CHIA: variants seen among roughly 807,000 people sequenced by gnomAD.
The protein encoded by CHIA is acidic mammalian chitinase.
In CHIA, 47 loss-of-function variants were observed where a neutral mutation model predicts 53.5. That is an observed-to-expected ratio of 0.88 (90% confidence interval 0.70 to 1.12). The LOEUF is 1.12. Ranked by LOEUF, CHIA falls within the 50% of genes most tolerant of loss-of-function variation. The probability of loss-of-function intolerance (pLI) is 0.00; values close to 1 mark genes in which losing one functional copy is unlikely to be tolerated. For synonymous variants in CHIA, 268 were observed against 222.2 expected, an observed-to-expected ratio of 1.21 and a Z score of -1.83; for missense variants, 652 against 592.2, an observed-to-expected ratio of 1.10 and a Z score of -1.05.
rs1648970853 is a variant in CHIA at position 111,314,392 on chromosome 1, A to C, written c.258-148A>C. The stretch of plus-strand genomic sequence containing the variant: ...GACAGGAACAACACAAAGAATTTTT[A>C]TAAAGGAAGTTTTCAGTAGGGGAGG... On this transcript the variant is annotated intron_variant, in intron 4 of 11. Coordinates refer to ENST00000369740, the MANE Select transcript of CHIA (RefSeq NM_201653.4). 3 of 570,756 alleles carry C rather than the reference A, an allele frequency of 5.3e-6. No homozygotes were observed. In the East Asian group the frequency reaches 9.0e-5, roughly 17 times the overall value. 35.4% of individuals were successfully genotyped at this position (570,756 alleles called of 1,614,324 possible).
intron 1 of CHIA, among the ~76,000 whole-genome samples, chr1:111,303,320 T>A (rs1041064211): frequency 2.6e-5 from 4 of 152,122 alleles, no homozygotes; most frequent in Non-Finnish European, 4.4e-5. Context: ...GCCTTTTAGC[T>A]TTTTTGTCAC....
chr1:111,310,800 A>G (rs901231161), intron 2 of CHIA, among the ~76,000 whole-genome samples: 2 of 151,060 alleles, frequency 1.3e-5, no homozygotes, highest in Admixed American at 6.6e-5. Context: ...ATTTTTCTTT[A>G]CTCTTCTTCC....
chr1:111,320,307 G>A lies in CHIA; in HGVS notation c.1272G>A (p.Ser424=), dbSNP rs35242709. ...GGAGTAGCAGCTCTGGAGGCAGCTC[G>A]GGAGGCAGTGGATTCTGTGCTGTCA... is the stretch of plus-strand genomic sequence containing the variant. ...GSGSSSSGGS[S]GGSGFCAVRA... Residue 424 remains serine (S), a synonymous_variant, in exon 12 of 12, where the codon TCG becomes TCA. Coordinates refer to ENST00000369740, the MANE Select transcript of CHIA (RefSeq NM_201653.4). 67 of 1,614,054 alleles carry A rather than the reference G, an allele frequency of 4.2e-5. No homozygotes were observed. In the Middle Eastern group the frequency reaches 5.0e-4, roughly 12 times the overall value.
chr1:111,318,220 A>G, intron 8 of CHIA, 111 bp downstream of exon 8: 1 of 1,180,500 alleles, frequency 8.5e-7, no homozygotes. Flanking sequence ...ATGGGAAATT[A>G]GGCTGCCATA....
intron 1 of CHIA, among the ~76,000 whole-genome samples, chr1:111,294,981 T>C (rs1431334829): frequency 1.3e-5 from 2 of 152,240 alleles, no homozygotes; most frequent in African/African-American, 4.8e-5. Context: ...TAAGGGATTT[T>C]GGTCTGTAGT....
chr1:111,292,366 G>A (rs193171616), intron 1 of CHIA, among the ~76,000 whole-genome samples: 1 of 152,246 alleles, frequency 6.6e-6, no homozygotes, highest in Non-Finnish European at 1.5e-5. Flanking sequence ...ATAAGTTAGC[G>A]ATTCTAGAGA....
At chr1:111,310,860 C>G (rs546748322) in intron 2 of CHIA, among the ~76,000 whole-genome samples, 1 of 152,074 alleles carries the variant, frequency 6.6e-6, no homozygotes, top group Non-Finnish European at 1.5e-5. Context: ...TGCTTGTGTC[C>G]TTGGACTAGC....
intron 1 of CHIA, among the ~76,000 whole-genome samples, chr1:111,292,362 T>C (rs12410848): frequency 0.28 from 42,391 of 152,118 alleles, 6,213 homozygotes; most frequent in East Asian, 0.36. Context: ...AAATATAAGT[T>C]AGCGATTCTA....
At chr1:111,307,994 T>C (rs1184590771) in intron 1 of CHIA, among the ~76,000 whole-genome samples, 2 of 152,150 alleles carry the variant, frequency 1.3e-5, no homozygotes, top group Non-Finnish European at 2.9e-5. Context: ...GATTTTACAA[T>C]TAAAGAAACT....
In CHIA at chr1:111,318,663, C is replaced by G; in HGVS notation, c.900C>G (p.Ile300Met). 11 of 1,613,738 alleles carry G rather than the reference C, an allele frequency of 6.8e-6. No individual in the cohort carries two copies. The highest frequency in any genetic ancestry group is 9.3e-6 in the Non-Finnish European group (11 of 1,179,806). Residue 300 changes from isoleucine (I) to methionine (M), a missense_variant, in exon 9 of 12, where the codon ATC becomes ATG. Coordinates refer to ENST00000369740, the MANE Select transcript of CHIA (RefSeq NM_201653.4). ...PAGPYAKESG[I>M]WAYYEICTFL... ...GGCCCTATGCCAAGGAGTCTGGGAT[C>G]TGGGCTTACTACGAGGTATGTAGAT...
rs181932538 is a variant in CHIA, at chr1:111,311,791, G to A, written c.55+73G>A. 1.1e-4 allele frequency: 166 copies of A among 1,503,686 alleles called. 1 individual carries two copies. The highest frequency in any genetic ancestry group is 1.0e-3 in the African/African-American group (75 of 72,612). 93.1% of individuals were successfully genotyped at this position (1,503,686 alleles called of 1,614,324 possible). A position where few individuals can be genotyped will look rare whatever the true frequency, so the allele number is the denominator to read the frequency against. ...TAAACCATACTATGGAAAGAGAGCC[G>A]CTGTTTGCTTCACAGACAGATGGGT... On this transcript the variant is annotated intron_variant, in intron 3 of 11. Transcript: ENST00000369740.
chr1:111,299,782 A>G (rs1647552256), intron 1 of CHIA, among the ~76,000 whole-genome samples: 1 of 152,224 alleles, frequency 6.6e-6, no homozygotes, highest in African/African-American at 2.4e-5. Context: ...TCAATTAGGA[A>G]GTCAAATTGT....
rs1649068691 is a variant in CHIA at position 111,315,343 on chromosome 1, T to G, written c.388T>G (p.Tyr130Asp). The change falls in exon 6 of 12, where the codon TAT becomes GAT. Residue 130 changes from tyrosine (Y) to aspartate (D), a missense_variant. Physicochemically the swap from Tyr to Asp is radical, Grantham distance 160. Transcript: ENST00000369740. The part of the protein sequence containing the change: ...ITSVIKFLRQ[Y>D]EFDGLDFDWE... ...CTCAGTCATCAAATTCCTGCGCCAG[T>G]ATGAGTTTGACGGGCTGGACTTTGA... is the stretch of plus-strand genomic sequence containing the variant. 1 of 1,613,784 alleles carries G rather than the reference T, an allele frequency of 6.2e-7. No homozygotes were observed. Among genetic ancestry groups the G allele is most frequent in the African/African-American group, 1.3e-5 (1 of 74,900 alleles).
chr1:111,295,115 C>T (rs1285656153), intron 1 of CHIA, among the ~76,000 whole-genome samples: 1 of 152,198 alleles, frequency 6.6e-6, no homozygotes, highest in Non-Finnish European at 1.5e-5. Flanking sequence ...TCATTTGTCA[C>T]TAATGTTTGG....
chr1:111,314,615 G>T lies in CHIA; in HGVS notation c.314+19G>T. The T allele has an allele frequency of 6.2e-7, 1 of 1,603,030 alleles. No individual in the cohort carries two copies. The highest frequency in any genetic ancestry group is 8.5e-7 in the Non-Finnish European group (1 of 1,170,088). On this transcript the variant is annotated intron_variant, in intron 5 of 11. Transcript: ENST00000369740. ...CTGCCCCGTAAGTCTTCTATGGAGA[G>T]CATGTTGTTCGTTTGCTATGGAAAA...
intron 1 of CHIA, among the ~76,000 whole-genome samples, chr1:111,296,474 T>G (rs1171365791): frequency 6.6e-6 from 1 of 152,178 alleles, no homozygotes; most frequent in Admixed American, 6.5e-5. Flanking sequence ...GACCTGCAGC[T>G]GAGGGACCTG....
At chr1:111,295,988 G>T (rs1488447701) in intron 1 of CHIA, among the ~76,000 whole-genome samples, 3 of 152,246 alleles carry the variant, frequency 2.0e-5, no homozygotes, top group Non-Finnish European at 2.9e-5. Flanking sequence ...TGACCTGTGA[G>T]GCAGCAGCCT....
chr1:111,300,914 G>A (rs986626147), intron 1 of CHIA, among the ~76,000 whole-genome samples: 11 of 152,134 alleles, frequency 7.2e-5, no homozygotes, highest in African/African-American at 2.7e-4. Context: ...TCAAAAAGTG[G>A]GCAAAGGATA....
Position 111,312,235 on chromosome 1 carries a change from ACCGGCCAGG to A in CHIA, c.104_112del (p.Arg35_Gly37del), listed in dbSNP as rs1473362762. On this transcript the variant is annotated inframe_deletion, in exon 4 of 12. Transcript: ENST00000369740. Reference sequence around the variant, plus strand: ...TGCTACTTCACCAACTGGGCCCAGTACCGGCCAGGCCTGGGGCGCTTCATGCCTGACAAC... The same window carrying A: ...TGCTACTTCACCAACTGGGCCCAGTACCTGGGGCGCTTCATGCCTGACAAC... 1 of 1,614,120 alleles carries A rather than the reference ACCGGCCAGG, an allele frequency of 6.2e-7. No homozygotes were observed. The highest frequency in any genetic ancestry group is 1.1e-5 in the South Asian group (1 of 91,074).
Sources: gnomAD v4.1 joint callset for allele counts (sites outside exome capture counted in the v4.1 genomes callset) on GRCh38, gnomAD v4.1.1 for gene constraint, MANE v1.5 for transcripts, NCBI Gene and HGNC (gene_info 2026-07-23, HGNC 2026-07-21) for gene names.